TTC5: variants seen among roughly 807,000 people sequenced by gnomAD.
TTC5 encodes tetratricopeptide repeat protein 5.
TTC5 carries 46 observed loss-of-function variants against 57.4 expected under a neutral mutation model. The observed-to-expected ratio is 0.80, with a 90% CI of 0.63 to 1.03. The LOEUF is 1.03. Ranked by LOEUF, TTC5 falls within the 50% of genes least tolerant of loss-of-function variation. The probability of loss-of-function intolerance (pLI) is 0.00; values close to 1 mark genes in which losing one functional copy is unlikely to be tolerated. For missense variants in TTC5, 504 were observed against 528.1 expected (o/e 0.95, Z 0.45); for synonymous variants, 190 against 203.5 (o/e 0.93, Z 0.57).
intron 1 of TTC5, among the ~76,000 whole-genome samples, chr14:20,303,084 C>T (rs1469711128): frequency 6.6e-6 from 1 of 151,134 alleles, no homozygotes; most frequent in African/African-American, 2.4e-5. Context: ...CCCACCTACT[C>T]GGGAGGCTGA....
intron 8 of TTC5, 136 bp downstream of exon 8, chr14:20,295,176 C>T (rs1415314483): frequency 1.9e-5 from 14 of 756,170 alleles, no homozygotes; most frequent in East Asian, 5.4e-5. Flanking sequence ...TATCTGCCCA[C>T]GGGATAGTCA....
At chr14:20,300,110 G>A (rs1319842509) in intron 3 of TTC5, among the ~76,000 whole-genome samples, 7 of 140,412 alleles carry the variant, frequency 5.0e-5, no homozygotes, top group African/African-American at 1.6e-4. Flanking sequence ...AAAGTGCTGG[G>A]ATTACAGGCA....
intron 9 of TTC5, 62 bp from the exon 10 acceptor site, chr14:20,289,808 G>A: frequency 6.5e-7 from 1 of 1,531,556 alleles, no homozygotes; most frequent in South Asian, 1.3e-5. Flanking sequence ...GCTCCAGCAT[G>A]GGGATACACC....
intron 5 of TTC5, among the ~76,000 whole-genome samples, chr14:20,298,308 T>C (rs4523843): frequency 0.18 from 26,692 of 152,142 alleles, 2,582 homozygotes; most frequent in African/African-American, 0.27. Flanking sequence ...ACTTAATTCC[T>C]AGGAAATGAC....
At position 20,299,972 on chromosome 14, in the gene TTC5, G is replaced by A. The variant is rs1882148440; in HGVS notation, c.397-524C>T. Among the ~76,000 whole-genome samples the A allele has an allele frequency of 4.7e-5, 7 of 150,164 alleles. 1 individual carries two copies. The highest frequency in any genetic ancestry group is 4.0e-4 in the Admixed American group (6 of 15,030). On this transcript the variant is annotated intron_variant, in intron 3 of 9. Transcript: ENST00000258821. Reference sequence around the variant, plus strand: ...TTGTGCCTTGGCCTCCTGAGTAACTGGGATTACAGGCACATACAACCATGC... The same window carrying A: ...TTGTGCCTTGGCCTCCTGAGTAACTAGGATTACAGGCACATACAACCATGC...
intron 8 of TTC5, 147 bp downstream of exon 8, chr14:20,295,165 A>AT: frequency 2.9e-6 from 2 of 696,716 alleles, no homozygotes; most frequent in Non-Finnish European, 4.9e-6. Flanking sequence ...CACCCAGACA[A>AT]TATCTGCCCA....
At position 20,289,865 on chromosome 14, in the gene TTC5, T is replaced by C. The variant is rs529414531; in HGVS notation, c.1204-119A>G. On this transcript the variant is annotated intron_variant, in intron 9 of 9. Transcript: ENST00000258821. The stretch of plus-strand genomic sequence containing the variant: ...CTCCCCTGTTGTATACCCCCTCTAC[T>C]TCCATCTCACATCAGACAAAACTGA... The C allele has an allele frequency of 6.4e-5, 69 of 1,081,990 alleles. No homozygotes were observed. The South Asian group carries it at 1.4e-3, about 21-fold the overall frequency. The allele number at this position is 1,081,990 out of a possible 1,614,324, so 67.0% of individuals were successfully genotyped here.
At position 20,289,763 on chromosome 14, in the gene TTC5, G is replaced by A. The variant is rs765828438; in HGVS notation, c.1204-17C>T. ...GGAATAGTCCTAGAAAAGACAGACA[G>A]ACAAAGGTTCACTACAGATTCCAAG... is the stretch of plus-strand genomic sequence containing the variant. On this transcript the variant is annotated splice_polypyrimidine_tract_variant and intron_variant, in intron 9 of 9. Coordinates refer to ENST00000258821, the MANE Select transcript of TTC5 (RefSeq NM_138376.3). The A allele has an allele frequency of 6.2e-5, 99 of 1,607,296 alleles. No individual in the cohort carries two copies. The highest frequency in any genetic ancestry group is 7.9e-5 in the Non-Finnish European group (93 of 1,176,848).
chr14:20,305,246 A>G (rs1165525226), intron 1 of TTC5: 3 of 152,246 alleles, frequency 2.0e-5, no homozygotes, highest in Non-Finnish European at 2.9e-5. Context: ...AGGCTGCCTT[A>G]GAACGAAGAA....
chr14:20,296,523 T>G (rs1485139043), intron 5 of TTC5, 77 bp from the exon 6 acceptor site: 1 of 1,138,898 alleles, frequency 8.8e-7, no homozygotes, highest in Non-Finnish European at 1.3e-6. Context: ...GTCCTACGCC[T>G]CCTCTTTCTA....
chr14:20,300,478 C>CTT, intron 3 of TTC5, 129 bp downstream of exon 3: 1 of 797,846 alleles, frequency 1.3e-6, no homozygotes, highest in East Asian at 2.7e-5. Context: ...TCTGACCTTT[C>CTT]CTCCCTCCTG....
intron 1 of TTC5, among the ~76,000 whole-genome samples, chr14:20,304,281 T>C (rs1882247279): frequency 6.6e-6 from 1 of 152,192 alleles, no homozygotes; most frequent in African/African-American, 2.4e-5. Context: ...TAATTTAAAA[T>C]CCTATCCAGA....
chr14:20,305,929 A>G lies in TTC5; in HGVS notation c.9T>C (p.Ala3=), dbSNP rs760638920. The G allele has an allele frequency of 6.2e-7, 1 of 1,614,062 alleles. No individual in the cohort carries two copies. Among genetic ancestry groups the G allele is most frequent in the East Asian group, 2.2e-5 (1 of 44,878 alleles). Residue 3 remains alanine (A), a synonymous_variant, in exon 1 of 10, where the codon GCT becomes GCC. Coordinates refer to ENST00000258821, the MANE Select transcript of TTC5 (RefSeq NM_138376.3). Reference sequence around the variant, plus strand: ...TCGGCTTGACTTCTTCCTCTTCATCAGCCATCATCTCCCGGCCACTCCACC... The same window carrying G: ...TCGGCTTGACTTCTTCCTCTTCATCGGCCATCATCTCCCGGCCACTCCACC... The part of the protein sequence containing the change: MM[A]DEEEEVKPIL...
rs187599806 is a variant in TTC5 at position 20,295,867 on chromosome 14, T to C, written c.697-13A>G. On this transcript the variant is annotated splice_polypyrimidine_tract_variant and intron_variant, in intron 6 of 9. Transcript: ENST00000258821. ...CATATTTATGCAACTGTACAAGAAG[T>C]GTATCCCAATTATAAGTATATCCAG... is the stretch of plus-strand genomic sequence containing the variant. The C allele has an allele frequency of 7.9e-5, 124 of 1,563,018 alleles. No individual in the cohort carries two copies. The African/African-American group carries it at 1.6e-3, about 21-fold the overall frequency.
chr14:20,300,529 T>A, intron 3 of TTC5, 78 bp downstream of exon 3: 2 of 1,277,780 alleles, frequency 1.6e-6, no homozygotes, highest in Non-Finnish European at 2.2e-6. Flanking sequence ...CTGGTATTCA[T>A]GTCCTAGGGA....
chr14:20,291,010 C>T (rs541303500), intron 9 of TTC5, among the ~76,000 whole-genome samples: 4 of 152,146 alleles, frequency 2.6e-5, no homozygotes, highest in African/African-American at 7.2e-5. Flanking sequence ...CAAAATATTA[C>T]GCTTCTGTCC....
intron 6 of TTC5, 110 bp downstream of exon 6, chr14:20,296,280 C>T (rs1249793949): frequency 3.4e-6 from 3 of 875,788 alleles, no homozygotes; most frequent in Non-Finnish European, 5.7e-6. Flanking sequence ...GCTTTCCTCT[C>T]GCAGTCTGTA....
chr14:20,293,787 G>A (rs1230613837), intron 8 of TTC5: 1 of 152,228 alleles, frequency 6.6e-6, no homozygotes, highest in Non-Finnish European at 1.5e-5. Flanking sequence ...TTAATCAAGT[G>A]ACTGAGAGGT....
At chr14:20,291,941 T>C (rs2138805619) in intron 9 of TTC5, 42 bp downstream of exon 9, 1 of 1,476,896 alleles carries the variant, frequency 6.8e-7, no homozygotes, top group African/African-American at 1.4e-5. Flanking sequence ...GGTTCTACTT[T>C]TAGAGCCTAC....
Sources: gnomAD v4.1 joint callset for allele counts (sites outside exome capture counted in the v4.1 genomes callset) on GRCh38, gnomAD v4.1.1 for gene constraint, MANE v1.5 for transcripts, NCBI Gene and HGNC (gene_info 2026-07-23, HGNC 2026-07-21) for gene names.